Variants in LINGO2 observed in about 807,000 individuals in gnomAD.
LINGO2 encodes leucine rich repeat and Ig domain containing 2.
LINGO2 carries 14 observed loss-of-function variants against 30.6 expected under a neutral mutation model. The observed-to-expected ratio is 0.46, with a 90% CI of 0.30 to 0.72. The LOEUF (loss-of-function observed/expected upper bound fraction) is 0.72, where lower values mean the gene tolerates loss of function less well. LINGO2 is among the 30% of genes least tolerant of loss of function. The probability of loss-of-function intolerance (pLI) is 0.07; values close to 1 mark genes in which losing one functional copy is unlikely to be tolerated. For synonymous variants in LINGO2, 317 were observed against 288.5 expected, an observed-to-expected ratio of 1.10 and a Z score of -1.00; for missense variants, 729 against 751.7, an observed-to-expected ratio of 0.97 and a Z score of 0.35.
At chr9:28,178,089 G>A (rs900335678) in intron 4 of LINGO2, among the ~76,000 whole-genome samples, 3 of 151,940 alleles carry the variant, frequency 2.0e-5, no homozygotes, top group Non-Finnish European at 4.4e-5. Context: ...GCCTACTATC[G>A]GCCTCCCATC....
intron 4 of LINGO2, among the ~76,000 whole-genome samples, chr9:28,026,255 A>G (rs995243352): frequency 1.3e-5 from 2 of 152,166 alleles, no homozygotes; most frequent in Non-Finnish European, 2.9e-5. Context: ...TGATGTTTAC[A>G]TACCTACTAG....
chr9:28,123,417 C>G (rs1346092335), intron 4 of LINGO2, among the ~76,000 whole-genome samples: 1 of 152,120 alleles, frequency 6.6e-6, no homozygotes, highest in African/African-American at 2.4e-5. Context: ...CTTCCTGTTT[C>G]TTTCCTTTTC....
chr9:28,634,210 T>A (rs183401535), intron 1 of LINGO2, among the ~76,000 whole-genome samples: 1 of 152,302 alleles, frequency 6.6e-6, no homozygotes, highest in Non-Finnish European at 1.5e-5. Context: ...CTTGTTTTTA[T>A]AATACGCTGG....
At chr9:28,383,158 A>G (rs912594899) in intron 2 of LINGO2, among the ~76,000 whole-genome samples, 1 of 151,936 alleles carries the variant, frequency 6.6e-6, no homozygotes, top group African/African-American at 2.4e-5. Flanking sequence ...CCTACAATGC[A>G]TGCAAGGACC....
the LINGO2 span, among the ~76,000 whole-genome samples, chr9:28,907,035 T>C: frequency 1.3e-5 from 2 of 151,930 alleles, no homozygotes; most frequent in Non-Finnish European, 2.9e-5. Context: ...GAGAGCCTGA[T>C]TAATAATTAT....
intron 4 of LINGO2, among the ~76,000 whole-genome samples, chr9:28,164,025 T>C (rs1196474448): frequency 6.6e-6 from 1 of 152,202 alleles, no homozygotes; most frequent in Non-Finnish European, 1.5e-5. Flanking sequence ...AAGTCAAAAA[T>C]ATAAATTAAT....
chr9:28,477,591 A>G (rs1316686805), intron 1 of LINGO2, among the ~76,000 whole-genome samples: 2 of 152,134 alleles, frequency 1.3e-5, no homozygotes, highest in East Asian at 3.9e-4. Flanking sequence ...TCTCCTTGAT[A>G]CCTTTCTTTT....
intron 4 of LINGO2, among the ~76,000 whole-genome samples, chr9:28,042,050 A>G (rs560394686): frequency 1.3e-5 from 2 of 152,304 alleles, no homozygotes; most frequent in East Asian, 3.9e-4. Flanking sequence ...TCATCTGTAA[A>G]ATGGGGAGAA....
chr9:29,158,190 AAAAC>A, the LINGO2 span, among the ~76,000 whole-genome samples: 13 of 140,994 alleles, frequency 9.2e-5, 1 homozygote, highest in Admixed American at 2.2e-4. Context: ...AAAGTAAAAA[AAAAC>A]AAAAAAAAAA....
the LINGO2 span, among the ~76,000 whole-genome samples, chr9:28,971,801 T>C: frequency 6.6e-6 from 1 of 152,198 alleles, no homozygotes; most frequent in African/African-American, 2.4e-5. Context: ...TGAGTGAACA[T>C]AGGCAATAGC....
At chr9:28,696,697 A>C in the LINGO2 span, among the ~76,000 whole-genome samples, 5 of 151,948 alleles carry the variant, frequency 3.3e-5, no homozygotes, top group East Asian at 9.6e-4. Context: ...AAGTATGATT[A>C]GAAGTTCAGA....
the LINGO2 span, among the ~76,000 whole-genome samples, chr9:28,885,706 C>G: frequency 6.6e-6 from 1 of 151,972 alleles, no homozygotes; most frequent in East Asian, 1.9e-4. Context: ...TAAAACTGAA[C>G]TTTCTAGTTG....
At chr9:28,190,761 AGGTACAAAGGTAG>A (rs2133773589) in intron 4 of LINGO2, among the ~76,000 whole-genome samples, 1 of 152,290 alleles carries the variant, frequency 6.6e-6, no homozygotes, top group South Asian at 2.1e-4. Context: ...TCCAATCTGC[AGGTACAAAGGTAG>A]CTATTCATTA....
At chr9:28,258,615 C>T (rs918850601) in intron 4 of LINGO2, among the ~76,000 whole-genome samples, 12 of 151,992 alleles carry the variant, frequency 7.9e-5, no homozygotes, top group African/African-American at 2.7e-4. Context: ...GAATTTTTCC[C>T]AGTCTGTTGG....
chr9:28,539,484 A>G (rs1296971892), intron 1 of LINGO2, among the ~76,000 whole-genome samples: 3 of 151,944 alleles, frequency 2.0e-5, no homozygotes, highest in African/African-American at 4.8e-5. Flanking sequence ...ACACACACAC[A>G]TGAAATTTTA....
chr9:28,270,398 G>C (rs1220957085), intron 4 of LINGO2, among the ~76,000 whole-genome samples: 2 of 151,970 alleles, frequency 1.3e-5, no homozygotes, highest in African/African-American at 4.8e-5. Flanking sequence ...TAGCACCTAT[G>C]ATGACCACCC....
At chr9:28,622,812 T>C (rs986809179) in intron 1 of LINGO2, among the ~76,000 whole-genome samples, 8 of 151,928 alleles carry the variant, frequency 5.3e-5, no homozygotes, top group African/African-American at 1.4e-4. Context: ...ACCACCAGTA[T>C]ACAAATGTTT....
At chr9:28,355,142 T>C (rs976872482) in intron 3 of LINGO2, among the ~76,000 whole-genome samples, 15 of 152,188 alleles carry the variant, frequency 9.9e-5, no homozygotes, top group Non-Finnish European at 1.9e-4. Flanking sequence ...CTAATAGACA[T>C]CTATAATTCT....
chr9:28,304,267 G>A lies in LINGO2; in HGVS notation c.-245-8901C>T, dbSNP rs191711529. ...TAAAATGTATATATATATATAAAAT[G>A]TATAATTCTAAAAATATACTTCACC... On this transcript the variant is annotated intron_variant, in intron 3 of 5. Coordinates refer to ENST00000379992, the Ensembl canonical transcript of LINGO2. Among the ~76,000 whole-genome samples, 24 of 149,862 alleles carry A rather than the reference G, an allele frequency of 1.6e-4. No individual in the cohort carries two copies. In the East Asian group the frequency reaches 4.5e-3, roughly 28 times the overall value.
Sources: gnomAD v4.1 joint callset for allele counts (sites outside exome capture counted in the v4.1 genomes callset) on GRCh38, gnomAD v4.1.1 for gene constraint, MANE v1.5 for transcripts, NCBI Gene and HGNC (gene_info 2026-07-23, HGNC 2026-07-21) for gene names.